The following RHOQ variants were observed in gnomAD, a reference collection of about 807,000 sequenced individuals.
RHOQ encodes the protein ras homolog family member Q.
A neutral mutation model predicts 25.8 loss-of-function variants in RHOQ; 7 were observed. That is an observed-to-expected ratio of 0.27 (90% CI 0.15 to 0.51). The LOEUF (loss-of-function observed/expected upper bound fraction) is 0.51. Ranked by LOEUF, RHOQ falls within the 20% of genes least tolerant of loss-of-function variation. The pLI, the probability that RHOQ is intolerant of heterozygous loss-of-function variation, is 0.97. For synonymous variants in RHOQ, 97 were observed against 98.6 expected (o/e 0.98, Z 0.10); for missense variants, 165 against 260.6 (o/e 0.63, Z 2.53).
chr2:46,572,206 G>A (rs1438544160), intron 2 of RHOQ, among the ~76,000 whole-genome samples: 3 of 134,790 alleles, frequency 2.2e-5, no homozygotes, highest in Non-Finnish European at 4.6e-5. Context: ...GAGCTCAACT[G>A]ATCCACCCAC....
At chr2:46,572,833 AAAAT>A (rs1668979045) in intron 2 of RHOQ, 1 of 427,928 alleles carries the variant, frequency 2.3e-6, no homozygotes, top group Non-Finnish European at 4.6e-6. Flanking sequence ...TCTCAAATTT[AAAAT>A]ATATGGCTGA....
At chr2:46,546,474 G>GTATATATATATATATATATATATA in intron 2 of RHOQ, among the ~76,000 whole-genome samples, 2 of 16,958 alleles carry the variant, frequency 1.2e-4, no homozygotes, top group African/African-American at 2.3e-4. Context: ...ATATATATAT[G>GTATATATATATATATATATATATA]TGTATATATA....
chr2:46,563,205 G>C (rs1668624732), intron 2 of RHOQ, among the ~76,000 whole-genome samples: 1 of 152,194 alleles, frequency 6.6e-6, no homozygotes, highest in African/African-American at 2.4e-5. Flanking sequence ...GTGTGGGAGA[G>C]GGTCCTACAC....
At chr2:46,562,204 A>G (rs946475064) in intron 2 of RHOQ, among the ~76,000 whole-genome samples, 1 of 151,922 alleles carries the variant, frequency 6.6e-6, no homozygotes, top group Non-Finnish European at 1.5e-5. Context: ...CCTCATCCCC[A>G]CTGCTGCCAG....
intron 2 of RHOQ, chr2:46,560,460 T>C: frequency 2.5e-6 from 1 of 394,718 alleles, no homozygotes; most frequent in Non-Finnish European, 5.2e-6. Context: ...AAAGTTATAG[T>C]GGTGGATATT....
rs139352606 is a variant in RHOQ at position 46,564,685 on chromosome 2, G to T, written c.202-11402G>T. ...GCCTTCATCTGAGTGTAGTTACCAG[G>T]GTCTTCTCTTTGCTGCTTGGCTGCG... is the stretch of plus-strand genomic sequence containing the variant. On this transcript the variant is annotated intron_variant, in intron 2 of 4. Coordinates refer to ENST00000238738, the MANE Select transcript of RHOQ (RefSeq NM_012249.4). Among the ~76,000 whole-genome samples, 198 of 152,278 alleles carry T rather than the reference G, an allele frequency of 1.3e-3. 3 individuals carry two copies. Among genetic ancestry groups the T allele is most frequent in the South Asian group, 4.6e-3 (22 of 4,828 alleles).
intron 2 of RHOQ, among the ~76,000 whole-genome samples, chr2:46,549,499 A>G (rs934193726): frequency 2.0e-5 from 3 of 152,178 alleles, no homozygotes; most frequent in Admixed American, 6.5e-5. Context: ...TGTGGGTGCT[A>G]CAGAGGCCTC....
Position 46,583,619 on chromosome 2 carries a change from TA to T in RHOQ, c.*2541del, listed in dbSNP as rs34098574. 1.5e-3 allele frequency among the ~76,000 whole-genome samples: 232 copies of T among 152,246 alleles called. 1 individual carries two copies. Among genetic ancestry groups the T allele is most frequent in the Non-Finnish European group, 2.6e-3 (178 of 67,976 alleles). ...CAAAAATCCTTCCTGTCACTTTAAC[TA>T]AAAACCAAAGATTTGTTTTCTATTG... On this transcript the variant is annotated 3_prime_UTR_variant, in exon 5 of 5. Transcript: ENST00000238738.
intron 2 of RHOQ, among the ~76,000 whole-genome samples, chr2:46,562,950 T>C (rs779509707): frequency 2.6e-5 from 4 of 152,226 alleles, no homozygotes; most frequent in Non-Finnish European, 4.4e-5. Context: ...AGGAACACTA[T>C]TCGGTGGACA....
chr2:46,573,986 T>C (rs1669021846), intron 2 of RHOQ, among the ~76,000 whole-genome samples: 1 of 152,226 alleles, frequency 6.6e-6, no homozygotes, highest in Admixed American at 6.5e-5. Context: ...TTCTCTGTGA[T>C]TGGAGGGAGC....
chr2:46,549,931 G>C (rs1668189342), intron 2 of RHOQ, among the ~76,000 whole-genome samples: 1 of 152,180 alleles, frequency 6.6e-6, no homozygotes, highest in Non-Finnish European at 1.5e-5. Flanking sequence ...TACATCTTAA[G>C]GGGATTCATG....
At chr2:46,572,604 A>C (rs1668968995) in intron 2 of RHOQ, 1 of 308,528 alleles carries the variant, frequency 3.2e-6, no homozygotes, top group Non-Finnish European at 6.5e-6. Flanking sequence ...CATTGTTTTG[A>C]TGTTGAACAG....
chr2:46,572,392 C>T (rs180837150), intron 2 of RHOQ, among the ~76,000 whole-genome samples: 3 of 151,966 alleles, frequency 2.0e-5, no homozygotes, highest in South Asian at 2.1e-4. Context: ...TGTGAGCCAC[C>T]GCACCTGGCC....
intron 2 of RHOQ, chr2:46,560,695 T>C (rs2104001700): frequency 2.2e-6 from 1 of 449,754 alleles, no homozygotes. Flanking sequence ...CAGAGGTAGA[T>C]AGTCACTAAT....
At position 46,584,566 on chromosome 2, in the gene RHOQ, A is replaced by C. The variant is rs1195525054; in HGVS notation, c.*3483A>C. On this transcript the variant is annotated 3_prime_UTR_variant, in exon 5 of 5. Coordinates refer to ENST00000238738, the MANE Select transcript of RHOQ (RefSeq NM_012249.4). Reference sequence around the variant, plus strand: ...CCTCCAACAGAATGCCAAAAATGAAATGTTAAAAAATTTTGTCTAATGAAG... The same window carrying C: ...CCTCCAACAGAATGCCAAAAATGAACTGTTAAAAAATTTTGTCTAATGAAG... Among the ~76,000 whole-genome samples the C allele has an allele frequency of 6.6e-6, 1 of 152,204 alleles. No individual in the cohort carries two copies. Among genetic ancestry groups the C allele is most frequent in the East Asian group, 1.9e-4 (1 of 5,204 alleles).
At chr2:46,577,273 G>A (rs1405864914) in intron 4 of RHOQ, 2 of 151,852 alleles carry the variant, frequency 1.3e-5, no homozygotes, top group African/African-American at 4.8e-5. Context: ...ATCTTCCTTC[G>A]TGCCCCAAAG....
intron 2 of RHOQ, among the ~76,000 whole-genome samples, chr2:46,551,530 A>C (rs1172730330): frequency 6.6e-6 from 1 of 152,234 alleles, no homozygotes; most frequent in Non-Finnish European, 1.5e-5. Context: ...ATCAGTGTCA[A>C]CATGTGGAGC....
intron 2 of RHOQ, among the ~76,000 whole-genome samples, chr2:46,570,998 T>C (rs1026999208): frequency 2.0e-5 from 3 of 152,240 alleles, no homozygotes; most frequent in Non-Finnish European, 1.5e-5. Flanking sequence ...CATTTGTCAC[T>C]GATAAGTCTC....
At position 46,548,672 on chromosome 2, in the gene RHOQ, G is replaced by A. The variant is rs1222900866; in HGVS notation, c.201+4860G>A. ...GCTCAGCCCGGTGAGCAGAGCCTGG[G>A]AGGAGCCCCAGGGTTCCTTCCAGGC... On this transcript the variant is annotated intron_variant, in intron 2 of 4. Coordinates refer to ENST00000238738, the MANE Select transcript of RHOQ (RefSeq NM_012249.4). This position sits in a 1 kb window ranked among gnomAD's most constrained non-coding sequence, Gnocchi z 5.2. Among the ~76,000 whole-genome samples, 3 of 152,148 alleles carry A rather than the reference G, an allele frequency of 2.0e-5. No homozygotes were observed. Among genetic ancestry groups the A allele is most frequent in the South Asian group, 2.1e-4 (1 of 4,826 alleles).
Sources: gnomAD v4.1 joint callset for allele counts (sites outside exome capture counted in the v4.1 genomes callset) on GRCh38, gnomAD v4.1.1 for gene constraint, Gnocchi (gnomAD v3.1) non-coding constraint, MANE v1.5 for transcripts, NCBI Gene and HGNC (gene_info 2026-07-23, HGNC 2026-07-21) for gene names.